The following PARG variants were observed in gnomAD, a reference collection of about 807,000 sequenced individuals.
PARG encodes poly(ADP-ribose) glycohydrolase, also known as mitochondrial poly(ADP-ribose) glycohydrolase.
PARG carries 35 observed loss-of-function variants against 113.0 expected under a neutral mutation model. The ratio of observed to expected loss-of-function variants is 0.31; its 90% CI spans 0.24 to 0.41. The LOEUF (loss-of-function observed/expected upper bound fraction) is 0.41, where lower values mean the gene tolerates loss of function less well. Ranked by LOEUF, PARG falls within the 10% of genes least tolerant of loss-of-function variation. The pLI is 1.00. For synonymous variants in PARG, 330 were observed against 409.9 expected (o/e 0.81, Z 2.36); for missense variants, 797 against 1,169.4 (o/e 0.68, Z 4.64).
At chr10:49,916,267 A>G (rs1427125370) in intron 6 of PARG, among the ~76,000 whole-genome samples, 8 of 151,304 alleles carry the variant, frequency 5.3e-5, no homozygotes, top group Non-Finnish European at 1.0e-4. Flanking sequence ...AAGGTGATAT[A>G]CTCCAAATAG....
chr10:49,888,548 T>C (rs1427358382), intron 7 of PARG, among the ~76,000 whole-genome samples: 5 of 152,318 alleles, frequency 3.3e-5, no homozygotes, highest in South Asian at 2.1e-4. Flanking sequence ...TTGTGTCACT[T>C]CTTTCTGGTC....
At chr10:49,937,599 G>A (rs1838817042) in intron 1 of PARG, among the ~76,000 whole-genome samples, 2 of 152,100 alleles carry the variant, frequency 1.3e-5, no homozygotes, top group African/African-American at 4.8e-5. Context: ...AAGATGCAAT[G>A]ACTAGGTTCC....
chr10:49,916,588 A>G (rs1276329906), intron 6 of PARG, among the ~76,000 whole-genome samples: 1 of 152,134 alleles, frequency 6.6e-6, no homozygotes, highest in Non-Finnish European at 1.5e-5. Flanking sequence ...ACATTTATGT[A>G]GAATGAAAAG....
intron 13 of PARG, among the ~76,000 whole-genome samples, chr10:49,852,996 G>A (rs1845825613): frequency 2.7e-5 from 4 of 150,008 alleles, no homozygotes; most frequent in Admixed American, 2.7e-4. Context: ...TTTGTTCTCA[G>A]TGTTCAATCC....
intron 13 of PARG, among the ~76,000 whole-genome samples, chr10:49,848,261 C>T (rs1273825087): frequency 6.7e-6 from 1 of 149,264 alleles, no homozygotes; most frequent in African/African-American, 2.5e-5. Context: ...AGGCAGGGGA[C>T]TCACTTGAAC....
chr10:49,836,336 T>TTG (rs370070934), intron 15 of PARG, among the ~76,000 whole-genome samples: 47 of 138,694 alleles, frequency 3.4e-4, no homozygotes, highest in African/African-American at 1.3e-3. Context: ...TTTTTTTTTT[T>TTG]AGCCCAGGCT....
intron 6 of PARG, among the ~76,000 whole-genome samples, chr10:49,920,743 G>GT (rs1488888538): frequency 4.0e-5 from 6 of 151,498 alleles, no homozygotes; most frequent in Non-Finnish European, 7.4e-5. Context: ...ACTTGAGATT[G>GT]TTTCCATTTA....
In PARG at chr10:49,885,112, C is replaced by G. The variant is rs868932881; in HGVS notation, c.1830+91G>C. ...TCTCTCTCTGTCTCTCTGTCTCTCT[C>G]TCTCTCTCTGTGTGACCCTGGCCAT... On this transcript the variant is annotated intron_variant, in intron 8 of 17. Transcript: ENST00000616448. 1.5e-4 allele frequency: 121 copies of G among 783,482 alleles called. 1 individual carries two copies. The Middle Eastern group carries it at 4.6e-3, about 30-fold the overall frequency. 48.5% of individuals were successfully genotyped at this position (783,482 alleles called of 1,614,324 possible).
chr10:49,866,262 T>C (rs2132562996), intron 10 of PARG, among the ~76,000 whole-genome samples: 1 of 152,056 alleles, frequency 6.6e-6, no homozygotes, highest in Non-Finnish European at 1.5e-5. Flanking sequence ...ACAAAAAAGC[T>C]CTTAAGGAAA....
At chr10:49,929,926 A>G (rs1283734012) in intron 4 of PARG, among the ~76,000 whole-genome samples, 1 of 150,932 alleles carries the variant, frequency 6.6e-6, no homozygotes, top group African/African-American at 2.4e-5. Context: ...AAAATTTGAA[A>G]GTAGGAGTTA....
In PARG at chr10:49,923,170, C is replaced by G. The variant is rs1588997761; in HGVS notation, c.1456-501G>C. On this transcript the variant is annotated intron_variant, in intron 4 of 17. Coordinates refer to ENST00000616448, the MANE Select transcript of PARG (RefSeq NM_003631.5). Reference sequence around the variant, plus strand: ...CTGTATACATACTACTGTGGCCTCTCTTTTTAATACCACTACTACCAATTG... The same window carrying G: ...CTGTATACATACTACTGTGGCCTCTGTTTTTAATACCACTACTACCAATTG... Among the ~76,000 whole-genome samples, 4 of 152,184 alleles carry G rather than the reference C, an allele frequency of 2.6e-5. No homozygotes were observed. In the East Asian group the frequency reaches 7.7e-4, roughly 29 times the overall value.
intron 15 of PARG, among the ~76,000 whole-genome samples, chr10:49,834,167 C>G (rs1313724223): frequency 6.6e-6 from 1 of 151,878 alleles, no homozygotes; most frequent in African/African-American, 2.4e-5. Context: ...TCTTTCAGGT[C>G]AAAAAAATCT....
At chr10:49,900,456 T>C (rs1479179672) in intron 7 of PARG, among the ~76,000 whole-genome samples, 1 of 151,000 alleles carries the variant, frequency 6.6e-6, no homozygotes, top group Non-Finnish European at 1.5e-5. Context: ...AAACAAAATA[T>C]GCCTCTAATC....
chr10:49,901,779 A>C (rs1848357949), intron 7 of PARG, among the ~76,000 whole-genome samples: 1 of 152,176 alleles, frequency 6.6e-6, no homozygotes, highest in Admixed American at 6.5e-5. Context: ...CCAATCTAAA[A>C]AAATTCAAAA....
intron 15 of PARG, among the ~76,000 whole-genome samples, chr10:49,835,816 C>G (rs1490995184): frequency 6.6e-6 from 1 of 152,004 alleles, no homozygotes; most frequent in Admixed American, 6.6e-5. Flanking sequence ...TAGACAGTTA[C>G]GTGCCGCATA....
chr10:49,842,044 C>T lies in PARG; in HGVS notation c.2447G>A (p.Arg816Gln), dbSNP rs781811244. The change falls in exon 15 of 18, where the codon CGG becomes CAG. Residue 816 changes from arginine (R) to glutamine (Q), a missense_variant. By Grantham distance (43) the Arg-to-Gln change is conservative. Coordinates refer to ENST00000616448, the MANE Select transcript of PARG (RefSeq NM_003631.5). ...GATGGCAACGATCTCAGTGCAGCGC[C>T]GCTGCCAGTCGTCCCTGGGACAGGA... ...EDGSERDDWQRRCTEIVAIDA... is the reference protein window; with the variant it reads ...EDGSERDDWQQRCTEIVAIDA... The T allele has an allele frequency of 1.4e-5, 21 of 1,548,994 alleles. No homozygotes were observed. In the East Asian group the frequency reaches 1.5e-4, roughly 11 times the overall value.
chr10:49,915,397 C>T (rs1490295551), intron 7 of PARG, among the ~76,000 whole-genome samples: 11 of 151,982 alleles, frequency 7.2e-5, no homozygotes, highest in African/African-American at 1.9e-4. Context: ...TATTCTTATC[C>T]ACTACTGGCA....
rs1838529476 is a variant in PARG at position 49,932,247 on chromosome 10, T to C, written c.1308A>G (p.Glu436=). The part of the protein sequence containing the change: ...EQWETKHQRT[E]RKIPKYVPPH... ...GTGGAACGTATTTAGGGATCTTCCTTTCTGTTCTTTGATGTTTGGTTTCCC... is the reference window on the plus strand; with the variant it reads ...GTGGAACGTATTTAGGGATCTTCCTCTCTGTTCTTTGATGTTTGGTTTCCC... Residue 436 remains glutamate, a synonymous_variant, in exon 4 of 18, where the codon GAA becomes GAG. Transcript: ENST00000616448. 3.8e-6 allele frequency: 6 copies of C among 1,595,836 alleles called. No homozygotes were observed. Among genetic ancestry groups the C allele is most frequent in the Non-Finnish European group, 5.2e-6 (6 of 1,163,242 alleles).
At chr10:49,881,054 T>C (rs1425169379) in intron 8 of PARG, among the ~76,000 whole-genome samples, 2 of 152,206 alleles carry the variant, frequency 1.3e-5, no homozygotes, top group East Asian at 1.9e-4. Flanking sequence ...CAAGGTTTCA[T>C]CCACATCATA....
Sources: gnomAD v4.1 joint callset for allele counts (sites outside exome capture counted in the v4.1 genomes callset) on GRCh38, gnomAD v4.1.1 for gene constraint, MANE v1.5 for transcripts, NCBI Gene and HGNC (gene_info 2026-07-23, HGNC 2026-07-21) for gene names.